Variants in LRP1 observed in about 807,000 individuals in gnomAD.
LRP1 encodes the protein LDL receptor related protein 1.
In LRP1, 51 loss-of-function variants were observed where a neutral mutation model predicts 541.5. The ratio of observed to expected loss-of-function variants is 0.09; its 90% CI spans 0.08 to 0.12. The LOEUF (loss-of-function observed/expected upper bound fraction) is 0.12, where lower values mean the gene tolerates loss of function less well. LRP1 is among the 10% of genes least tolerant of loss of function. The pLI is 1.00. For synonymous variants in LRP1, 2,219 were observed against 2,470.8 expected (o/e 0.90, Z 3.02); for missense variants, 3,878 against 6,376.2 (o/e 0.61, Z 13.34).
chr12:57,210,973 A>C (rs1800163), intron 83 of LRP1, 94 bp downstream of exon 83: 17,837 of 1,498,676 alleles, frequency 0.012, 144 homozygotes, highest in Middle Eastern at 0.024. Flanking sequence ...TGGGACCCAC[A>C]GGGGCAAGTT....
At chr12:57,182,283 G>A (rs914454379) in intron 34 of LRP1, among the ~76,000 whole-genome samples, 3 of 152,068 alleles carry the variant, frequency 2.0e-5, no homozygotes, top group African/African-American at 4.8e-5. Context: ...GGCTGAGGCC[G>A]GCCGATCACT....
Position 57,162,459 on chromosome 12 carries a change from T to G in LRP1, c.2345T>G (p.Leu782Arg). ...VGGAPPTVTL[L>R]RSERPPIFEI... ...GGCGCACCCCCCACTGTGACCCTTCTGCGCAGTGAGCGGCCCCCCATCTTT... is the reference window on the plus strand; with the variant it reads ...GGCGCACCCCCCACTGTGACCCTTCGGCGCAGTGAGCGGCCCCCCATCTTT... The change falls in exon 14 of 89, where the codon CTG becomes CGG. Residue 782 changes from leucine (L) to arginine (R), a missense_variant. Around this residue, in one of 13 missense-constraint regions of LRP1, gnomAD observed 496 missense variants for 861.0 expected, o/e 0.58. Transcript: ENST00000243077. This position sits in a 1 kb window ranked among gnomAD's most constrained non-coding sequence, Gnocchi z 5.2. 6.2e-7 allele frequency: 1 copy of G among 1,614,124 alleles called. No homozygotes were observed. Among genetic ancestry groups the G allele is most frequent in the Non-Finnish European group, 8.5e-7 (1 of 1,180,018 alleles).
chr12:57,212,458 G>A lies in LRP1; in HGVS notation c.13538G>A (p.Gly4513Glu), dbSNP rs1313715144. The part of the protein sequence containing the change: ...TNPVYATLYM[G>E]GHGSRHSLAS... ...CCCGTGTATGCCACACTCTACATGGGGGGCCATGGCAGTCGCCACTCCCTG... is the reference window on the plus strand; with the variant it reads ...CCCGTGTATGCCACACTCTACATGGAGGGCCATGGCAGTCGCCACTCCCTG... Residue 4513 changes from glycine to glutamate, a missense_variant, in exon 89 of 89, where the codon GGG becomes GAG. Transcript: ENST00000243077. This position sits in a 1 kb window ranked among gnomAD's most constrained non-coding sequence, Gnocchi z 5.0. 6.2e-7 allele frequency: 1 copy of A among 1,614,016 alleles called. No homozygotes were observed. The highest frequency in any genetic ancestry group is 2.2e-5 in the East Asian group (1 of 44,886).
rs2036945803 is a variant in LRP1, at chr12:57,212,720, C to T, written c.*165C>T. On this transcript the variant is annotated 3_prime_UTR_variant, in exon 89 of 89. Transcript: ENST00000243077. The surrounding 1 kb of genome is among the most constrained non-coding windows in gnomAD (Gnocchi z 5.0). ...GTGAGCGAGCAAGCCGGCAAGCGAG[C>T]ACAGTATTATTTCTCCATCCCCTCC... 1.3e-6 allele frequency: 1 copy of T among 751,368 alleles called. No homozygotes were observed. Among genetic ancestry groups the T allele is most frequent in the African/African-American group, 1.8e-5 (1 of 56,456 alleles). 46.5% of individuals were successfully genotyped at this position (751,368 alleles called of 1,614,324 possible).
In LRP1 at chr12:57,209,780, G is replaced by A. The variant is rs1186121901; in HGVS notation, c.12351G>A (p.Lys4117=). The change falls in exon 80 of 89, where the codon AAG becomes AAA. Residue 4117 remains lysine, a synonymous_variant. Transcript: ENST00000243077. ...ATAATCGTGTCTTCAAGATCCATAA[G>A]TTTGGCCACAGCCCCTTGGTCAACC... ...YINNRVFKIH[K]FGHSPLVNLT... 2 of 1,614,104 alleles carry A rather than the reference G, an allele frequency of 1.2e-6. No individual in the cohort carries two copies. The highest frequency in any genetic ancestry group is 2.2e-5 in the East Asian group (1 of 44,894).
rs958655781 is a variant in LRP1, at chr12:57,210,641, C to T, written c.12755-77C>T. 4 of 1,518,566 alleles carry T rather than the reference C, an allele frequency of 2.6e-6. No individual in the cohort carries two copies. The African/African-American group carries it at 4.1e-5, about 16-fold the overall frequency. 94.1% of individuals were successfully genotyped at this position (1,518,566 alleles called of 1,614,324 possible). A position where few individuals can be genotyped will look rare whatever the true frequency, so the allele number is the denominator to read the frequency against. On this transcript the variant is annotated intron_variant, in intron 82 of 88. Coordinates refer to ENST00000243077, the MANE Select transcript of LRP1 (RefSeq NM_002332.3). The stretch of plus-strand genomic sequence containing the variant: ...CCAGTCTCTGCTTCTCGCCCAGGTC[C>T]CCCCAGCCCATTCCTCTGCTATAGG...
chr12:57,167,788 G>T (rs1189298089), intron 19 of LRP1, among the ~76,000 whole-genome samples: 2 of 152,236 alleles, frequency 1.3e-5, no homozygotes, highest in African/African-American at 4.8e-5. Context: ...GGGCTCGGAG[G>T]CCAGGGAGAG....
chr12:57,194,343 G>T lies in LRP1; in HGVS notation c.7919-11G>T. 1.3e-6 allele frequency: 2 copies of T among 1,511,310 alleles called. No individual in the cohort carries two copies. Among genetic ancestry groups the T allele is most frequent in the East Asian group, 4.6e-5 (2 of 43,720 alleles). The allele number at this position is 1,511,310 out of a possible 1,614,324, so 93.6% of individuals were successfully genotyped here. A position where few individuals can be genotyped will look rare whatever the true frequency, so the allele number is the denominator to read the frequency against. On this transcript the variant is annotated splice_polypyrimidine_tract_variant and intron_variant, in intron 48 of 88. Coordinates refer to ENST00000243077, the MANE Select transcript of LRP1 (RefSeq NM_002332.3). ...GGAACCAGGTATCACCCTCACCCCTGCCCCCACCAGGTGCCACCGACTGCA... is the reference window on the plus strand; with the variant it reads ...GGAACCAGGTATCACCCTCACCCCTTCCCCCACCAGGTGCCACCGACTGCA...
intron 22 of LRP1, among the ~76,000 whole-genome samples, chr12:57,174,590 C>T (rs2036006997): frequency 6.6e-6 from 1 of 152,210 alleles, no homozygotes; most frequent in African/African-American, 2.4e-5. Flanking sequence ...GCCTGGCCAA[C>T]ATGGTGAAAC....
chr12:57,205,684 G>A lies in LRP1; in HGVS notation c.11590+7G>A. 1 of 1,608,916 alleles carries A rather than the reference G, an allele frequency of 6.2e-7. No homozygotes were observed. The highest frequency in any genetic ancestry group is 1.3e-5 in the African/African-American group (1 of 75,052). Reference sequence around the variant, plus strand: ...AACACCTGCAAGGCCGAAGGTGCCGGAGCCACCAGAGGGCAGAAAGGCTGG... The same window carrying A: ...AACACCTGCAAGGCCGAAGGTGCCGAAGCCACCAGAGGGCAGAAAGGCTGG... On this transcript the variant is annotated splice_region_variant and intron_variant, in intron 75 of 88. Transcript: ENST00000243077. This position sits in a 1 kb window ranked among gnomAD's most constrained non-coding sequence, Gnocchi z 4.6.
chr12:57,191,058 G>A, intron 43 of LRP1, 49 bp downstream of exon 43: 1 of 1,554,810 alleles, frequency 6.4e-7, no homozygotes, highest in Non-Finnish European at 8.7e-7. Flanking sequence ...GGGAGGCCAG[G>A]GCCAGGGTCA....
intron 20 of LRP1, among the ~76,000 whole-genome samples, chr12:57,170,403 G>C (rs1041145203): frequency 6.6e-6 from 1 of 152,130 alleles, no homozygotes; most frequent in Non-Finnish European, 1.5e-5. Context: ...TGCAGGCCAG[G>C]CATGGTGGCT....
intron 16 of LRP1, 63 bp downstream of exon 16, chr12:57,166,008 C>T: frequency 6.2e-7 from 1 of 1,612,546 alleles, no homozygotes; most frequent in Non-Finnish European, 8.5e-7. Context: ...TCGGCTCTGG[C>T]AGTGCCTATA....
At position 57,158,490 on chromosome 12, in the gene LRP1, G is replaced by T. The variant is rs1474510903; in HGVS notation, c.1650G>T (p.Glu550Asp). The T allele has an allele frequency of 1.2e-6, 2 of 1,614,210 alleles. No homozygotes were observed. Among genetic ancestry groups the T allele is most frequent in the Non-Finnish European group, 1.7e-6 (2 of 1,180,026 alleles). Residue 550 changes from glutamate (E) to aspartate (D), a missense_variant, in exon 11 of 89, where the codon GAG (glutamate) becomes GAT (aspartate). By Grantham distance (45) the Glu-to-Asp change is conservative. Coordinates refer to ENST00000243077, the MANE Select transcript of LRP1 (RefSeq NM_002332.3). This position sits in a 1 kb window ranked among gnomAD's most constrained non-coding sequence, Gnocchi z 5.3. ...ATATGGGGGCCAAGGTCCCGGATGA[G>T]CACATGATCCCCATTGAAAACCTCA... ...GMDMGAKVPD[E>D]HMIPIENLMN... is the part of the protein sequence containing the mutation.
chr12:57,142,899 T>C (rs2035325268), intron 3 of LRP1, among the ~76,000 whole-genome samples: 3 of 152,058 alleles, frequency 2.0e-5, no homozygotes, highest in African/African-American at 7.2e-5. Context: ...CGTCTTAGCA[T>C]CTTGGGCGGC....
intron 44 of LRP1, among the ~76,000 whole-genome samples, chr12:57,191,812 C>A (rs2036391245): frequency 1.1e-5 from 1 of 92,198 alleles, no homozygotes; most frequent in Non-Finnish European, 2.2e-5. Flanking sequence ...ACATGCACAC[C>A]CCACATATAC....
rs2036122478 is a variant in LRP1 at position 57,179,668 on chromosome 12, C to T, written c.4966+112C>T. 1 of 1,395,862 alleles carries T rather than the reference C, an allele frequency of 7.2e-7. No homozygotes were observed. The highest frequency in any genetic ancestry group is 1.2e-5 in the South Asian group (1 of 80,632). 86.5% of individuals were successfully genotyped at this position (1,395,862 alleles called of 1,614,324 possible). A position where few individuals can be genotyped will look rare whatever the true frequency, so the allele number is the denominator to read the frequency against. On this transcript the variant is annotated intron_variant, in intron 29 of 88. Coordinates refer to ENST00000243077, the MANE Select transcript of LRP1 (RefSeq NM_002332.3). The surrounding 1 kb of genome is among the most constrained non-coding windows in gnomAD (Gnocchi z 6.8). ...GGTCCTTCTCCCAGTCCTGTTCCCCCTCAGTGCTCCAGCCTGGTTTCCTGA... is the reference window on the plus strand; with the variant it reads ...GGTCCTTCTCCCAGTCCTGTTCCCCTTCAGTGCTCCAGCCTGGTTTCCTGA...
rs757967899 is a variant in LRP1 at position 57,205,120 on chromosome 12, G to A, written c.11206G>A (p.Ala3736Thr). Residue 3736 changes from alanine (A) to threonine (T), a missense_variant, in exon 73 of 89, where the codon GCC becomes ACC. Physicochemically the swap from Ala to Thr is moderately conservative, Grantham distance 58. Around this residue, in one of 13 missense-constraint regions of LRP1, gnomAD observed 871 missense variants for 1,212.4 expected, o/e 0.72. Coordinates refer to ENST00000243077, the MANE Select transcript of LRP1 (RefSeq NM_002332.3). This position sits in a 1 kb window ranked among gnomAD's most constrained non-coding sequence, Gnocchi z 4.6. ...TCTGCCCTCCTCAGAGCCCCCCACAGCCCACACCACCCACTGCAAAGACAA... is the reference window on the plus strand; with the variant it reads ...TCTGCCCTCCTCAGAGCCCCCCACAACCCACACCACCCACTGCAAAGACAA... The part of the protein sequence containing the change: ...TDEEDCEPPT[A>T]HTTHCKDKKE... The A allele has an allele frequency of 1.2e-6, 2 of 1,613,492 alleles. No individual in the cohort carries two copies. Among genetic ancestry groups the A allele is most frequent in the Admixed American group, 3.3e-5 (2 of 59,974 alleles).
chr12:57,144,055 A>G (rs2035349960), intron 4 of LRP1, among the ~76,000 whole-genome samples: 1 of 152,210 alleles, frequency 6.6e-6, no homozygotes, highest in South Asian at 2.1e-4. Flanking sequence ...ATTAACAGAT[A>G]AAACCAAAGT....
Sources: gnomAD v4.1 joint callset for allele counts (sites outside exome capture counted in the v4.1 genomes callset) on GRCh38, gnomAD v4.1.1 for gene constraint, gnomAD v4.1.1 regional missense constraint, Gnocchi (gnomAD v3.1) non-coding constraint, MANE v1.5 for transcripts, NCBI Gene and HGNC (gene_info 2026-07-23, HGNC 2026-07-21) for gene names.